Variants in ARHGAP42 observed in about 807,000 individuals in gnomAD.
The protein encoded by ARHGAP42 is rho GTPase-activating protein 42.
Under a neutral mutation model 125.0 loss-of-function variants are expected in ARHGAP42, and 63 were observed. The ratio of observed to expected loss-of-function variants is 0.50; its 90% CI spans 0.41 to 0.62. The LOEUF (loss-of-function observed/expected upper bound fraction) is 0.62, where lower values mean the gene tolerates loss of function less well. ARHGAP42 is among the 20% of genes least tolerant of loss of function. ARHGAP42 has a pLI of 0.00. For missense variants in ARHGAP42, 766 were observed against 1,024.2 expected (o/e 0.75, Z 3.44); for synonymous variants, 339 against 351.0 (o/e 0.97, Z 0.38).
Position 100,992,306 on chromosome 11 carries a change from A to T in ARHGAP42, c.*3505A>T. The T allele has an allele frequency of 6.3e-7, 1 of 1,582,820 alleles. No individual in the cohort carries two copies. The highest frequency in any genetic ancestry group is 8.6e-7 in the Non-Finnish European group (1 of 1,167,618). ...GATACATTTGTAACTCACAGCTGTT[A>T]GCATGACCTCACATCACTGCGTAGG... On this transcript the variant is annotated 3_prime_UTR_variant, in exon 24 of 24. Coordinates refer to ENST00000298815, the MANE Select transcript of ARHGAP42 (RefSeq NM_152432.4).
intron 1 of ARHGAP42, among the ~76,000 whole-genome samples, chr11:100,700,424 T>C (rs1861377671): frequency 6.6e-6 from 1 of 152,222 alleles, no homozygotes; most frequent in Admixed American, 6.5e-5. Context: ...GCACAAAAGA[T>C]TTCTCTATAC....
At chr11:100,967,887 C>T (rs931460545) in intron 17 of ARHGAP42, among the ~76,000 whole-genome samples, 3 of 151,836 alleles carry the variant, frequency 2.0e-5, no homozygotes, top group African/African-American at 7.3e-5. Context: ...CTAATTTTAG[C>T]TAAATTTTGC....
chr11:100,808,722 T>TA (rs1046502026), intron 3 of ARHGAP42, among the ~76,000 whole-genome samples: 4 of 152,188 alleles, frequency 2.6e-5, no homozygotes, highest in African/African-American at 9.7e-5. Flanking sequence ...CTCTTAACTA[T>TA]AAAAAATAAC....
At chr11:100,830,857 A>G (rs1864648441) in intron 3 of ARHGAP42, among the ~76,000 whole-genome samples, 1 of 152,150 alleles carries the variant, frequency 6.6e-6, no homozygotes, top group African/African-American at 2.4e-5. Flanking sequence ...GGTGGGCACC[A>G]CGGTTACTAT....
intron 3 of ARHGAP42, among the ~76,000 whole-genome samples, chr11:100,834,895 C>G (rs987564847): frequency 1.2e-4 from 18 of 144,698 alleles, no homozygotes; most frequent in African/African-American, 4.6e-4. Context: ...TACAGAAGTG[C>G]TTATTTTTGA....
At chr11:100,795,082 C>T in intron 2 of ARHGAP42, 23 bp from the exon 3 acceptor site, 1 of 1,515,172 alleles carries the variant, frequency 6.6e-7, no homozygotes, top group Non-Finnish European at 8.9e-7. Flanking sequence ...TAATTCTTTG[C>T]ATTTTTTTAT....
intron 1 of ARHGAP42, among the ~76,000 whole-genome samples, chr11:100,692,699 A>T (rs945059909): frequency 1.3e-5 from 2 of 152,208 alleles, no homozygotes; most frequent in African/African-American, 4.8e-5. Flanking sequence ...GCAGTCAGTT[A>T]AGGCATTAGC....
intron 16 of ARHGAP42, among the ~76,000 whole-genome samples, chr11:100,963,857 C>T (rs182216040): frequency 2.0e-5 from 3 of 152,140 alleles, no homozygotes; most frequent in Non-Finnish European, 2.9e-5. Context: ...AACCCAGAAC[C>T]CTTTCTTACA....
At chr11:100,910,091 A>G (rs1245226727) in intron 4 of ARHGAP42, among the ~76,000 whole-genome samples, 3 of 151,926 alleles carry the variant, frequency 2.0e-5, no homozygotes, top group Non-Finnish European at 4.4e-5. Context: ...TAGAAAGCCA[A>G]CTGATTGCAG....
At chr11:100,710,250 C>T (rs1021572888) in intron 1 of ARHGAP42, among the ~76,000 whole-genome samples, 26 of 151,850 alleles carry the variant, frequency 1.7e-4, no homozygotes, top group Non-Finnish European at 3.7e-4. Flanking sequence ...TTTTTTTAGA[C>T]AGAGTCTCAC....
intron 4 of ARHGAP42, among the ~76,000 whole-genome samples, chr11:100,883,872 A>G (rs994768943): frequency 3.3e-5 from 5 of 152,158 alleles, no homozygotes; most frequent in Non-Finnish European, 5.9e-5. Context: ...CCAGAGGTGA[A>G]TGTGGTTCTC....
chr11:100,987,190 A>G (rs1254432918), intron 22 of ARHGAP42, among the ~76,000 whole-genome samples: 3 of 152,204 alleles, frequency 2.0e-5, no homozygotes, highest in Non-Finnish European at 4.4e-5. Context: ...CTGTAAAAAC[A>G]GCCTATTTAG....
At chr11:100,777,435 A>T (rs1863158739) in intron 2 of ARHGAP42, among the ~76,000 whole-genome samples, 1 of 152,322 alleles carries the variant, frequency 6.6e-6, no homozygotes, top group Admixed American at 6.5e-5. Context: ...GGAAAATCTC[A>T]TTCAGTTTCT....
chr11:100,949,934 C>A lies in ARHGAP42; in HGVS notation c.1140C>A (p.Ala380=). 2 of 1,474,676 alleles carry A rather than the reference C, an allele frequency of 1.4e-6. No individual in the cohort carries two copies. The highest frequency in any genetic ancestry group is 4.1e-5 in the Admixed American group (2 of 48,468). 91.3% of individuals were successfully genotyped at this position (1,474,676 alleles called of 1,614,324 possible). The part of the protein sequence containing the change: ...DGKEPIYTLP[A]IISKKEEMYL... ...TTTTTTAGATTTATACTCTGCCTGC[C>A]ATTATAAGCAAGAAAGAAGAAAGTA... Residue 380 remains alanine, a synonymous_variant, in exon 12 of 24, where the codon GCC becomes GCA. Coordinates refer to ENST00000298815, the MANE Select transcript of ARHGAP42 (RefSeq NM_152432.4).
At position 100,687,674 on chromosome 11, in the gene ARHGAP42, G is replaced by C; in HGVS notation, c.-5G>C. 1 of 1,486,594 alleles carries C rather than the reference G, an allele frequency of 6.7e-7. No homozygotes were observed. The highest frequency in any genetic ancestry group is 9.0e-7 in the Non-Finnish European group (1 of 1,112,176). The allele number at this position is 1,486,594 out of a possible 1,614,324, so 92.1% of individuals were successfully genotyped here. A position where few individuals can be genotyped will look rare whatever the true frequency, so the allele number is the denominator to read the frequency against. ...TCCGCGGCCGCCGCTGGCAGCGCCTGTGCCATGGGGCTGCCCACTCTGGAG... is the reference window on the plus strand; with the variant it reads ...TCCGCGGCCGCCGCTGGCAGCGCCTCTGCCATGGGGCTGCCCACTCTGGAG... On this transcript the variant is annotated 5_prime_UTR_variant, in exon 1 of 24. Transcript: ENST00000298815.
chr11:100,782,026 C>T (rs1251069749), intron 2 of ARHGAP42, among the ~76,000 whole-genome samples: 1 of 151,608 alleles, frequency 6.6e-6, no homozygotes, highest in Non-Finnish European at 1.5e-5. Flanking sequence ...TCTTTTCCTG[C>T]TTAGGCATAC....
chr11:100,822,184 C>T (rs569334007), intron 3 of ARHGAP42, among the ~76,000 whole-genome samples: 1 of 152,154 alleles, frequency 6.6e-6, no homozygotes, highest in African/African-American at 2.4e-5. Flanking sequence ...TTAATATTTT[C>T]GTTCCAGAAT....
chr11:100,936,446 A>G, intron 8 of ARHGAP42, 114 bp downstream of exon 8: 1 of 1,369,190 alleles, frequency 7.3e-7, no homozygotes, highest in Non-Finnish European at 9.8e-7. Flanking sequence ...TTATAGCTTT[A>G]TATCTACTTT....
At chr11:100,917,753 G>A (rs974038233) in intron 5 of ARHGAP42, among the ~76,000 whole-genome samples, 2 of 152,046 alleles carry the variant, frequency 1.3e-5, no homozygotes, top group African/African-American at 4.8e-5. Context: ...TGTATTTTTA[G>A]TGGAGACAGG....
Sources: gnomAD v4.1 joint callset for allele counts (sites outside exome capture counted in the v4.1 genomes callset) on GRCh38, gnomAD v4.1.1 for gene constraint, MANE v1.5 for transcripts, NCBI Gene and HGNC (gene_info 2026-07-23, HGNC 2026-07-21) for gene names.